Variants in KNG1 observed in about 807,000 individuals in gnomAD.
KNG1 encodes the protein kininogen 1, also known as kininogen-1.
KNG1 carries 23 observed loss-of-function variants against 47.8 expected under a neutral mutation model. The ratio of observed to expected loss-of-function variants is 0.48; its 90% CI spans 0.35 to 0.68. The LOEUF (loss-of-function observed/expected upper bound fraction) is 0.68. KNG1 is among the 30% of genes least tolerant of loss of function. The pLI, the probability that KNG1 is intolerant of heterozygous loss-of-function variation, is 0.01. For missense variants in KNG1, 762 were observed against 790.2 expected (o/e 0.96, Z 0.43); for synonymous variants, 277 against 277.0 (o/e 1.00, Z 0.00).
Position 186,739,412 on chromosome 3 carries a change from A to G in KNG1, c.1123A>G (p.Met375Val). Residue 375 changes from methionine (M) to valine (V), a missense_variant and splice_region_variant, in exon 9 of 10, where the codon ATG (methionine) becomes GTG (valine). By Grantham distance (21) the Met-to-Val change is conservative. Coordinates refer to ENST00000644859, the MANE Select transcript of KNG1 (RefSeq NM_001102416.3). ...TACTGTCAACTGTCAACCACTGGGA[A>G]TGGTATGATTCTAATTACAGTCAGC... ...YPTVNCQPLG[M>V]ISLMKRPPGF... 3 of 1,597,026 alleles carry G rather than the reference A, an allele frequency of 1.9e-6. No individual in the cohort carries two copies. The highest frequency in any genetic ancestry group is 2.6e-6 in the Non-Finnish European group (3 of 1,164,432).
Position 186,739,127 on chromosome 3 carries a change from A to C in KNG1, c.959A>C (p.Asp320Ala), listed in dbSNP as rs200885838. 1.9e-6 allele frequency: 3 copies of C among 1,614,106 alleles called. No homozygotes were observed. In the Admixed American group the frequency reaches 5.0e-5, roughly 27 times the overall value. The change falls in exon 8 of 10, where the codon GAC becomes GCC. Residue 320 changes from aspartate (D) to alanine (A), a missense_variant. Physicochemically the swap from Asp to Ala is moderately radical, Grantham distance 126 (BLOSUM62 -2). Coordinates refer to ENST00000644859, the MANE Select transcript of KNG1 (RefSeq NM_001102416.3). Reference sequence around the variant, plus strand: ...GTGGCTGGCAAGAAATATTTTATTGACTTCGTGGCCAGGGAAACCACATGT... The same window carrying C: ...GTGGCTGGCAAGAAATATTTTATTGCCTTCGTGGCCAGGGAAACCACATGT... The part of the protein sequence containing the change: ...QVVAGKKYFI[D>A]FVARETTCSK...
At position 186,743,264 on chromosome 3, in the gene KNG1, C is replaced by A; in HGVS notation, c.*933C>A. ...CTAATAAAACTTTTTAAATAATTGACAAGGGAATATTATGGAATGTGATGC... is the reference window on the plus strand; with the variant it reads ...CTAATAAAACTTTTTAAATAATTGAAAAGGGAATATTATGGAATGTGATGC... On this transcript the variant is annotated 3_prime_UTR_variant, in exon 10 of 10. Coordinates refer to ENST00000644859, the MANE Select transcript of KNG1 (RefSeq NM_001102416.3). The A allele has an allele frequency of 1.1e-5, 2 of 179,506 alleles. No individual in the cohort carries two copies. The highest frequency in any genetic ancestry group is 2.4e-5 in the Non-Finnish European group (2 of 84,254). The allele number at this position is 179,506 out of a possible 1,614,324, so 11.1% of individuals were successfully genotyped here.
chr3:186,742,377 A>C lies in KNG1; in HGVS notation c.*46A>C. 4 of 1,608,430 alleles carry C rather than the reference A, an allele frequency of 2.5e-6. No individual in the cohort carries two copies. Among genetic ancestry groups the C allele is most frequent in the Non-Finnish European group, 2.5e-6 (3 of 1,179,818 alleles). On this transcript the variant is annotated 3_prime_UTR_variant, in exon 10 of 10. Transcript: ENST00000644859. ...TCTTTCATACTTTATTAAAGTATCA[A>C]TATCCCTCTCTCCATTGTCCAGATG...
At chr3:186,726,515 C>A (rs1248552429) in intron 4 of KNG1, among the ~76,000 whole-genome samples, 2 of 151,562 alleles carry the variant, frequency 1.3e-5, no homozygotes, top group Non-Finnish European at 2.9e-5. Flanking sequence ...GTCTTAAATT[C>A]CTGACCTCAG....
intron 7 of KNG1, among the ~76,000 whole-genome samples, chr3:186,733,016 G>A (rs5030048): frequency 0.019 from 2,864 of 152,268 alleles, 82 homozygotes; most frequent in African/African-American, 0.065. Flanking sequence ...GGGAGGCCAA[G>A]GCGGGTGGAT....
rs774179868 is a variant in KNG1, at chr3:186,722,457, A to G, written c.327A>G (p.Ala109=). ...AAKAATGECT[A]TVGKRSSTKF... is the part of the protein sequence containing the mutation. Reference sequence around the variant, plus strand: ...TTTAGGCCACTGGAGAATGCACGGCAACCGTGGGGAAGAGGAGCAGTACGA... The same window carrying G: ...TTTAGGCCACTGGAGAATGCACGGCGACCGTGGGGAAGAGGAGCAGTACGA... Residue 109 remains alanine (A), a synonymous_variant, in exon 3 of 10, where the codon GCA becomes GCG. Transcript: ENST00000644859. 11 of 1,613,770 alleles carry G rather than the reference A, an allele frequency of 6.8e-6. No individual in the cohort carries two copies. Among genetic ancestry groups the G allele is most frequent in the Non-Finnish European group, 9.3e-6 (11 of 1,179,798 alleles).
At position 186,741,581 on chromosome 3, in the gene KNG1, A is replaced by G; in HGVS notation, c.1185A>G (p.Glu395=). ...FSPFRSSRIG[E]IKEETTVSPP... Reference sequence around the variant, plus strand: ...CTTTCCGATCATCACGAATAGGGGAAATAAAAGAAGAAACAACTGTAAGTC... The same window carrying G: ...CTTTCCGATCATCACGAATAGGGGAGATAAAAGAAGAAACAACTGTAAGTC... Residue 395 remains glutamate (E), a synonymous_variant, in exon 10 of 10, where the codon GAA becomes GAG. Transcript: ENST00000644859. 5.6e-6 allele frequency: 9 copies of G among 1,610,570 alleles called. No homozygotes were observed. The highest frequency in any genetic ancestry group is 6.8e-6 in the Non-Finnish European group (8 of 1,179,090).
intron 1 of KNG1, among the ~76,000 whole-genome samples, chr3:186,719,370 T>C (rs1720117220): frequency 6.6e-6 from 1 of 152,166 alleles, no homozygotes; most frequent in African/African-American, 2.4e-5. Flanking sequence ...TGTTAACATT[T>C]GTTTAAGGTT....
At position 186,727,357 on chromosome 3, in the gene KNG1, A is replaced by C; in HGVS notation, c.672+13A>C. On this transcript the variant is annotated intron_variant, in intron 5 of 9. Transcript: ENST00000644859. ...CCTTTGGAATGGTGTAAGTAGGCAA[A>C]AATTTAATGATAAAGTTCTTAGCAT... 1 of 1,456,240 alleles carries C rather than the reference A, an allele frequency of 6.9e-7. No individual in the cohort carries two copies. The highest frequency in any genetic ancestry group is 9.6e-7 in the Non-Finnish European group (1 of 1,036,312). 90.2% of individuals were successfully genotyped at this position (1,456,240 alleles called of 1,614,324 possible). A position where few individuals can be genotyped will look rare whatever the true frequency, so the allele number is the denominator to read the frequency against.
In KNG1 at chr3:186,717,650, T is replaced by C. The variant is rs1300259981; in HGVS notation, c.108T>C (p.Ala36=). The C allele has an allele frequency of 1.9e-6, 3 of 1,613,242 alleles. No individual in the cohort carries two copies. Among genetic ancestry groups the C allele is most frequent in the Non-Finnish European group, 2.5e-6 (3 of 1,179,698 alleles). Residue 36 remains alanine, a synonymous_variant, in exon 1 of 10, where the codon GCT becomes GCC. Transcript: ENST00000644859. ...GCAATGACAAGGATTTATTTAAAGC[T>C]GTGGATGCTGCTCTGAAGAAATATA... ...IDCNDKDLFK[A]VDAALKKYNS... is the part of the protein sequence containing the mutation.
chr3:186,720,571 C>T (rs996995636), intron 2 of KNG1: 3 of 326,220 alleles, frequency 9.2e-6, no homozygotes, highest in African/African-American at 6.4e-5. Context: ...AAGTGCAAAT[C>T]TTGACTCTGC....
chr3:186,725,128 C>G lies in KNG1; in HGVS notation c.432C>G (p.Gly144=), dbSNP rs1452889451. 1 of 1,614,124 alleles carries G rather than the reference C, an allele frequency of 6.2e-7. No homozygotes were observed. Among genetic ancestry groups the G allele is most frequent in the African/African-American group, 1.3e-5 (1 of 75,034 alleles). ...TGACAGCCCAGTACGACTGCCTCGGCTGTGTGCATCCTATATCAACGCAGA... is the reference window on the plus strand; with the variant it reads ...TGACAGCCCAGTACGACTGCCTCGGGTGTGTGCATCCTATATCAACGCAGA... ...PVVTAQYDCL[G]CVHPISTQSP... Residue 144 remains glycine (G), a synonymous_variant, in exon 4 of 10, where the codon GGC becomes GGG. Transcript: ENST00000644859.
chr3:186,739,551 T>G (rs1720754494), intron 9 of KNG1, 137 bp downstream of exon 9: 1 of 718,004 alleles, frequency 1.4e-6, no homozygotes, highest in Non-Finnish European at 2.6e-6. Context: ...CTCACACTTC[T>G]GTGCTGATCT....
At chr3:186,734,240 A>G (rs1001399011) in intron 7 of KNG1, among the ~76,000 whole-genome samples, 23 of 152,348 alleles carry the variant, frequency 1.5e-4, no homozygotes, top group African/African-American at 4.8e-4. Flanking sequence ...TATTCACTGC[A>G]GTTTTAAGTA....
At chr3:186,730,779 AATAC>A (rs1720510567) in intron 5 of KNG1, among the ~76,000 whole-genome samples, 4 of 136,694 alleles carry the variant, frequency 2.9e-5, no homozygotes, top group South Asian at 2.5e-4. Context: ...CACACACACA[AATAC>A]ATACAAATTA....
intron 5 of KNG1, chr3:186,728,924 A>G (rs1390693675): frequency 6.6e-6 from 1 of 152,224 alleles, no homozygotes; most frequent in Non-Finnish European, 1.5e-5. Context: ...AAGTGCTGGT[A>G]TTACAGGTGT....
intron 9 of KNG1, 104 bp from the exon 10 acceptor site, chr3:186,741,416 TCC>T: frequency 1.0e-6 from 1 of 984,774 alleles, no homozygotes; most frequent in Non-Finnish European, 1.5e-6. Flanking sequence ...GGCAAACACC[TCC>T]CCCATTGTAA....
chr3:186,733,242 C>CTAAATAAATAAA (rs10576660), intron 7 of KNG1, among the ~76,000 whole-genome samples: 330 of 150,398 alleles, frequency 2.2e-3, no homozygotes, highest in Non-Finnish European at 2.4e-3. Flanking sequence ...GAGACTCTGT[C>CTAAATAAATAAA]TAAATAAATA....
At chr3:186,727,758 G>A (rs547247433) in intron 5 of KNG1, among the ~76,000 whole-genome samples, 1 of 152,154 alleles carries the variant, frequency 6.6e-6, no homozygotes, top group East Asian at 1.9e-4. Flanking sequence ...TTATAGTAGA[G>A]ACAGGGTTTT....
Sources: gnomAD v4.1 joint callset for allele counts (sites outside exome capture counted in the v4.1 genomes callset) on GRCh38, gnomAD v4.1.1 for gene constraint, MANE v1.5 for transcripts, NCBI Gene and HGNC (gene_info 2026-07-23, HGNC 2026-07-21) for gene names.